Variants in WDFY4 observed in about 807,000 individuals in gnomAD.
The protein encoded by WDFY4 is WD repeat- and FYVE domain-containing protein 4.
Under a neutral mutation model 351.9 loss-of-function variants are expected in WDFY4, and 169 were observed. That is an observed-to-expected ratio of 0.48 (90% CI 0.42 to 0.55). The LOEUF (loss-of-function observed/expected upper bound fraction) is 0.55, where lower values mean the gene tolerates loss of function less well. Among genes scored for constraint, WDFY4 ranks in the 20% least tolerant of loss-of-function variants. WDFY4 has a pLI of 0.00. For missense variants in WDFY4, 3,803 were observed against 3,935.6 expected, an observed-to-expected ratio of 0.97 and a Z score of 0.90; for synonymous variants, 1,622 against 1,574.6, an observed-to-expected ratio of 1.03 and a Z score of -0.71.
chr10:48,704,227 C>T (rs1397925304), intron 1 of WDFY4, among the ~76,000 whole-genome samples: 1 of 152,162 alleles, frequency 6.6e-6, no homozygotes, highest in African/African-American at 2.4e-5. Flanking sequence ...GGGGAAGTGA[C>T]TCAGTTAAGA....
intron 35 of WDFY4, chr10:48,823,938 T>A: frequency 1.0e-6 from 1 of 985,516 alleles, no homozygotes; most frequent in Non-Finnish European, 1.2e-6. Context: ...ACTTCATGAG[T>A]AGAAACATTG....
intron 30 of WDFY4, among the ~76,000 whole-genome samples, chr10:48,812,691 C>T (rs953719205): frequency 3.3e-5 from 5 of 152,148 alleles, no homozygotes; most frequent in African/African-American, 7.2e-5. Context: ...ACCGTATGCA[C>T]CTTCTCCCTT....
At chr10:48,874,333 T>C (rs1432879239) in intron 41 of WDFY4, among the ~76,000 whole-genome samples, 1 of 152,246 alleles carries the variant, frequency 6.6e-6, no homozygotes, top group Non-Finnish European at 1.5e-5. Context: ...CATTTGGTAG[T>C]AGATATAGGA....
chr10:48,752,512 A>G lies in WDFY4; in HGVS notation c.2460-7835A>G, dbSNP rs114120342. Among the ~76,000 whole-genome samples the G allele has an allele frequency of 4.0e-3, 615 of 152,288 alleles. 2 individuals are homozygous for G. Among genetic ancestry groups the G allele is most frequent in the African/African-American group, 0.014 (571 of 41,546 alleles). On this transcript the variant is annotated intron_variant, in intron 12 of 61. Coordinates refer to ENST00000325239, the MANE Select transcript of WDFY4 (RefSeq NM_001394531.1). ...CTATCTAATTCAAAACACTTTTATC[A>G]CCCCAAAAGGAAAACCTATACTCAT...
At chr10:48,776,643 G>GT in intron 15 of WDFY4, 107 bp from the exon 16 acceptor site, 5 of 1,150,054 alleles carry the variant, frequency 4.3e-6, no homozygotes, top group Admixed American at 2.8e-5. Context: ...TGGTGACTGT[G>GT]CGAAACTCTC....
intron 26 of WDFY4, 118 bp from the exon 27 acceptor site, chr10:48,805,886 C>T (rs2132873854): frequency 1.2e-6 from 1 of 813,850 alleles, no homozygotes; most frequent in Non-Finnish European, 2.1e-6. Flanking sequence ...ATGATGATTT[C>T]CCTTAAACTC....
rs562782769 is a variant in WDFY4 at position 48,913,689 on chromosome 10, A to C, written c.7586+11826A>C. On this transcript the variant is annotated intron_variant, in intron 47 of 61. Coordinates refer to ENST00000325239, the MANE Select transcript of WDFY4 (RefSeq NM_001394531.1). The stretch of plus-strand genomic sequence containing the variant: ...GGAGATGCTCACGGGGATGTTGTTC[A>C]GTAGGTTGTCATGGAGCCCTACCTC... The C allele has an allele frequency of 1.2e-6, 2 of 1,612,994 alleles. 1 individual carries two copies. Among genetic ancestry groups the C allele is most frequent in the South Asian group, 2.2e-5 (2 of 91,044 alleles).
intron 39 of WDFY4, among the ~76,000 whole-genome samples, chr10:48,849,194 A>G (rs1373602899): frequency 6.6e-6 from 1 of 152,240 alleles, no homozygotes. Context: ...CCTTAAAAAA[A>G]TAATAAAGAA....
At chr10:48,746,245 G>A (rs2065011616) in intron 12 of WDFY4, 1 of 152,254 alleles carries the variant, frequency 6.6e-6, no homozygotes, top group Non-Finnish European at 1.5e-5. Context: ...ACATATATTT[G>A]AGGTTGTAAG....
In WDFY4 at chr10:48,697,215, C is replaced by G. The variant is rs1272824385; in HGVS notation, c.-18+12214C>G. Among the ~76,000 whole-genome samples the G allele has an allele frequency of 2.0e-5, 3 of 152,242 alleles. No individual in the cohort carries two copies. The East Asian group carries it at 5.8e-4, about 29-fold the overall frequency. On this transcript the variant is annotated intron_variant, in intron 1 of 61. Transcript: ENST00000325239. ...GGTAACTTAGGAGCTAATGTCAGGGCTCTGGACAACAGGCCCTGCCATGAA... is the reference window on the plus strand; with the variant it reads ...GGTAACTTAGGAGCTAATGTCAGGGGTCTGGACAACAGGCCCTGCCATGAA...
At chr10:48,954,680 A>G (rs1338050327) in intron 51 of WDFY4, among the ~76,000 whole-genome samples, 5 of 152,204 alleles carry the variant, frequency 3.3e-5, no homozygotes, top group Non-Finnish European at 7.3e-5. Flanking sequence ...CCACAGACTT[A>G]CAATACAAGT....
chr10:48,824,930 G>A (rs930032136), intron 35 of WDFY4, among the ~76,000 whole-genome samples: 2 of 152,140 alleles, frequency 1.3e-5, no homozygotes, highest in African/African-American at 2.4e-5. Context: ...ACAGATGTGA[G>A]CCACCATACC....
chr10:48,742,982 C>G lies in WDFY4; in HGVS notation c.1893C>G (p.Ile631Met). 1 of 1,546,864 alleles carries G rather than the reference C, an allele frequency of 6.5e-7. No homozygotes were observed. Reference protein sequence around the residue: ...KLDLLKSLLRILVTPKGRAAF... With the variant: ...KLDLLKSLLRMLVTPKGRAAF... The stretch of plus-strand genomic sequence containing the variant: ...TGGTGTTTCAGTCTCTGCTCCGGAT[C>G]CTGGTGACCCCCAAGGGTCGTGCTG... Residue 631 changes from isoleucine (I) to methionine (M), a missense_variant, in exon 12 of 62, where the codon ATC (isoleucine) becomes ATG (methionine). Physicochemically the swap from Ile to Met is conservative, Grantham distance 10. Coordinates refer to ENST00000325239, the MANE Select transcript of WDFY4 (RefSeq NM_001394531.1).
At chr10:48,944,356 C>A (rs904774676) in intron 49 of WDFY4, among the ~76,000 whole-genome samples, 1 of 152,210 alleles carries the variant, frequency 6.6e-6, no homozygotes, top group Non-Finnish European at 1.5e-5. Flanking sequence ...TGCACCCCTG[C>A]GCCCCAGCAG....
At chr10:48,738,002 G>A (rs1024906526) in intron 11 of WDFY4, among the ~76,000 whole-genome samples, 4 of 152,146 alleles carry the variant, frequency 2.6e-5, no homozygotes, top group Admixed American at 1.3e-4. Context: ...ACTTCACTGC[G>A]CTGTTTGGTA....
intron 1 of WDFY4, 46 bp from the exon 2 acceptor site, chr10:48,709,670 G>T: frequency 6.7e-7 from 1 of 1,492,000 alleles, no homozygotes; most frequent in Non-Finnish European, 9.1e-7. Context: ...GAATCATCAG[G>T]AAGTGATGTG....
At chr10:48,982,032 T>C (rs1216296263) in intron 61 of WDFY4, among the ~76,000 whole-genome samples, 2 of 152,132 alleles carry the variant, frequency 1.3e-5, no homozygotes, top group African/African-American at 4.8e-5. Flanking sequence ...CGGACTTCCT[T>C]CCTCCCTCAC....
intron 2 of WDFY4, among the ~76,000 whole-genome samples, chr10:48,713,162 C>T (rs1031632350): frequency 1.3e-5 from 2 of 152,164 alleles, no homozygotes; most frequent in East Asian, 3.9e-4. Context: ...TCAGACTCTG[C>T]ATGGAAGCGG....
chr10:48,950,172 A>G (rs1291218360), intron 51 of WDFY4, among the ~76,000 whole-genome samples: 1 of 151,940 alleles, frequency 6.6e-6, no homozygotes, highest in Admixed American at 6.6e-5. Context: ...CCCAAACCCA[A>G]ACTCTGAAAC....
Sources: allele counts gnomAD v4.1 joint callset (sites outside exome capture counted in the v4.1 genomes callset), GRCh38; gene constraint gnomAD v4.1.1; transcripts MANE v1.5; gene names NCBI Gene and HGNC (gene_info 2026-07-23, HGNC 2026-07-21).